Variants in ARHGAP25 observed in about 807,000 individuals in gnomAD.
ARHGAP25 encodes the protein rho GTPase-activating protein 25.
ARHGAP25 carries 34 observed loss-of-function variants against 71.0 expected under a neutral mutation model. The ratio of observed to expected loss-of-function variants is 0.48; its 90% CI spans 0.36 to 0.64. The LOEUF (loss-of-function observed/expected upper bound fraction) is 0.64, where lower values mean the gene tolerates loss of function less well. Ranked by LOEUF, ARHGAP25 falls within the 30% of genes least tolerant of loss-of-function variation. ARHGAP25 has a pLI of 0.00. For missense variants in ARHGAP25, 706 were observed against 805.1 expected, an observed-to-expected ratio of 0.88 and a Z score of 1.49; for synonymous variants, 282 against 296.5, an observed-to-expected ratio of 0.95 and a Z score of 0.50.
At chr2:68,720,953 G>C (rs1204790767) in intron 2 of ARHGAP25, among the ~76,000 whole-genome samples, 1 of 152,214 alleles carries the variant, frequency 6.6e-6, no homozygotes, top group South Asian at 2.1e-4. Flanking sequence ...TCACAGATGT[G>C]GCTGAACGCA....
In ARHGAP25 at chr2:68,822,659, C is replaced by G; in HGVS notation, c.1520C>G (p.Pro507Arg). ...CGGACTTCCACCTACGATAACGTCC[C>G]TTCCCTGCCAGGGTCCCCTGGGGAG... is the stretch of plus-strand genomic sequence containing the variant. ...SQRTSTYDNV[P>R]SLPGSPGEEA... The change falls in exon 10 of 11, where the codon CCT (proline) becomes CGT (arginine). Residue 507 changes from proline (P) to arginine (R), a missense_variant. Coordinates refer to ENST00000409202, the MANE Select transcript of ARHGAP25 (RefSeq NM_001007231.3). The G allele has an allele frequency of 6.2e-7, 1 of 1,614,144 alleles. No homozygotes were observed. Among genetic ancestry groups the G allele is most frequent in the South Asian group, 1.1e-5 (1 of 91,082 alleles).
chr2:68,816,180 A>T (rs759849301), intron 6 of ARHGAP25, 109 bp from the exon 7 acceptor site: 63 of 892,802 alleles, frequency 7.1e-5, no homozygotes, highest in Non-Finnish European at 1.1e-4. Context: ...ATGACTGCCA[A>T]AGTGTTGTTT....
intron 1 of ARHGAP25, among the ~76,000 whole-genome samples, chr2:68,765,391 A>G (rs1243147693): frequency 3.9e-5 from 6 of 152,066 alleles, no homozygotes. Context: ...AGCCTATTGA[A>G]TTTATTTTTA....
chr2:68,731,685 G>A (rs1231726676), upstream of ARHGAP25, among the ~76,000 whole-genome samples: 1 of 151,948 alleles, frequency 6.6e-6, no homozygotes, highest in Admixed American at 6.6e-5. Flanking sequence ...CATATTGTTG[G>A]TTTTGTCTGG....
intron 1 of ARHGAP25, among the ~76,000 whole-genome samples, chr2:68,745,570 C>T (rs1675766290): frequency 6.6e-6 from 1 of 152,176 alleles, no homozygotes; most frequent in Admixed American, 6.5e-5. Context: ...CTTCTTAGTG[C>T]CTGTAACTGG....
intron 2 of ARHGAP25, among the ~76,000 whole-genome samples, chr2:68,775,966 G>A (rs551154370): frequency 2.6e-4 from 40 of 152,336 alleles, no homozygotes; most frequent in African/African-American, 9.4e-4. Flanking sequence ...AAAATAGGAT[G>A]AGCTAGCAGA....
At chr2:68,799,660 T>C (rs1359291277) in intron 4 of ARHGAP25, among the ~76,000 whole-genome samples, 1 of 152,176 alleles carries the variant, frequency 6.6e-6, no homozygotes, top group Non-Finnish European at 1.5e-5. Context: ...CACTTATTTT[T>C]ATTGCGGTCC....
intron 4 of ARHGAP25, among the ~76,000 whole-genome samples, chr2:68,805,844 AAGTGCTGGGT>A (rs769086693): frequency 2.0e-5 from 3 of 152,152 alleles, no homozygotes; most frequent in Non-Finnish European, 4.4e-5. Flanking sequence ...CTAGGGATTG[AAGTGCTGGGT>A]GCAGCAGAGC....
intron 1 of ARHGAP25, among the ~76,000 whole-genome samples, chr2:68,759,917 T>C (rs1676698649): frequency 6.6e-6 from 1 of 151,990 alleles, no homozygotes; most frequent in African/African-American, 2.4e-5. Flanking sequence ...CCTTATTACA[T>C]TGATGCAAAA....
intron 2 of ARHGAP25, among the ~76,000 whole-genome samples, chr2:68,780,418 C>A (rs923735931): frequency 6.6e-6 from 1 of 152,160 alleles, no homozygotes; most frequent in Non-Finnish European, 1.5e-5. Flanking sequence ...CATAACTCAT[C>A]CAAAGTAGCT....
intron 5 of ARHGAP25, among the ~76,000 whole-genome samples, chr2:68,810,135 A>T (rs1419721294): frequency 6.6e-6 from 1 of 152,008 alleles, no homozygotes; most frequent in African/African-American, 2.4e-5. Flanking sequence ...GATTAAAAAA[A>T]AAAAAAAAAA....
Position 68,775,261 on chromosome 2 carries a change from C to T in ARHGAP25, c.102C>T (p.Ala34=). The T allele has an allele frequency of 6.2e-7, 1 of 1,614,266 alleles. No individual in the cohort carries two copies. The highest frequency in any genetic ancestry group is 1.3e-5 in the African/African-American group (1 of 75,074). The change falls in exon 2 of 11, where the codon GCC becomes GCT. Residue 34 remains alanine (A), a synonymous_variant. Coordinates refer to ENST00000409202, the MANE Select transcript of ARHGAP25 (RefSeq NM_001007231.3). ...RSVMTGEQMA[A]FHPSSTPNPL... ...TGATGACTGGCGAGCAGATGGCTGC[C>T]TTCCATCCATCGTCCACCCCCAACC...
At chr2:68,787,997 C>T (rs1430134646) in intron 4 of ARHGAP25, 41 bp downstream of exon 4, 1 of 1,508,794 alleles carries the variant, frequency 6.6e-7, no homozygotes, top group Non-Finnish European at 9.2e-7. Context: ...GTGCCTATGA[C>T]ATCTCAGAAA....
At chr2:68,757,623 T>C (rs1676560919) in intron 1 of ARHGAP25, 1 of 152,316 alleles carries the variant, frequency 6.6e-6, no homozygotes, top group South Asian at 2.1e-4. Flanking sequence ...AGGAGTTTTT[T>C]ACTTGTCTTT....
At chr2:68,779,589 A>C (rs6747342) in intron 2 of ARHGAP25, among the ~76,000 whole-genome samples, 46,665 of 152,102 alleles carry the variant, frequency 0.31, 7,657 homozygotes, top group Middle Eastern at 0.39. Flanking sequence ...TGAACTACAA[A>C]TTGGATTTAA....
chr2:68,730,411 A>G (rs1234862744), upstream of ARHGAP25, among the ~76,000 whole-genome samples: 1 of 152,186 alleles, frequency 6.6e-6, no homozygotes, highest in Non-Finnish European at 1.5e-5. Context: ...TTGGAGGCCA[A>G]GGCAGAAGGA....
At chr2:68,821,226 C>A (rs922821728) in intron 9 of ARHGAP25, among the ~76,000 whole-genome samples, 1 of 150,612 alleles carries the variant, frequency 6.6e-6, no homozygotes, top group Non-Finnish European at 1.5e-5. Context: ...TCCCAAGTAG[C>A]TGGGACTACA....
chr2:68,788,447 G>C (rs1194423938), intron 4 of ARHGAP25, among the ~76,000 whole-genome samples: 1 of 152,224 alleles, frequency 6.6e-6, no homozygotes, highest in Non-Finnish European at 1.5e-5. Flanking sequence ...GTCCAAAAGA[G>C]GGATGATCAG....
intron 1 of ARHGAP25, among the ~76,000 whole-genome samples, chr2:68,745,878 G>A (rs1481114491): frequency 6.6e-6 from 1 of 152,170 alleles, no homozygotes. Flanking sequence ...GTCTCACACG[G>A]CAGAAAGGGA....
Sources: gnomAD v4.1 joint callset for allele counts (sites outside exome capture counted in the v4.1 genomes callset) on GRCh38, gnomAD v4.1.1 for gene constraint, MANE v1.5 for transcripts, NCBI Gene and HGNC (gene_info 2026-07-23, HGNC 2026-07-21) for gene names.